The following ZBTB7C variants were observed in gnomAD, a reference collection of about 807,000 sequenced individuals.
ZBTB7C encodes zinc finger and BTB domain-containing protein 7C.
A neutral mutation model predicts 25.7 loss-of-function variants in ZBTB7C; 8 were observed. That is an observed-to-expected ratio of 0.31 (90% CI 0.18 to 0.56). ZBTB7C has a LOEUF of 0.56. Among genes scored for constraint, ZBTB7C ranks in the 20% least tolerant of loss-of-function variants. The pLI is 0.91. For synonymous variants in ZBTB7C, 394 were observed against 369.0 expected (o/e 1.07, Z -0.78); for missense variants, 824 against 855.2 (o/e 0.96, Z 0.46).
chr18:48,074,005 GA>G (rs2037657197), intron 3 of ZBTB7C, among the ~76,000 whole-genome samples: 1 of 149,048 alleles, frequency 6.7e-6, no homozygotes, highest in African/African-American at 2.5e-5. Flanking sequence ...TTCTCGAAAA[GA>G]AAAATTTCTT....
chr18:48,184,175 A>G (rs1025324980), intron 3 of ZBTB7C, among the ~76,000 whole-genome samples: 1 of 152,158 alleles, frequency 6.6e-6, no homozygotes, highest in African/African-American at 2.4e-5. Flanking sequence ...AGTCTGACAT[A>G]ATACAGCCCA....
chr18:48,396,870 A>C (rs2048039372), intron 1 of ZBTB7C, among the ~76,000 whole-genome samples: 1 of 152,214 alleles, frequency 6.6e-6, no homozygotes, highest in Admixed American at 6.5e-5. Context: ...TGAAATATAC[A>C]AGTATCCATC....
chr18:48,045,409 G>A (rs542633597), intron 3 of ZBTB7C, among the ~76,000 whole-genome samples: 40 of 152,350 alleles, frequency 2.6e-4, no homozygotes, highest in African/African-American at 9.1e-4. Context: ...TAGAGCTGTG[G>A]CTCAATCAGC....
At chr18:48,212,693 G>C (rs958336684) in intron 2 of ZBTB7C, among the ~76,000 whole-genome samples, 5 of 152,088 alleles carry the variant, frequency 3.3e-5, no homozygotes, top group Non-Finnish European at 1.5e-5. Flanking sequence ...TAAGCCAAGA[G>C]AAGAGAGGGG....
intron 2 of ZBTB7C, among the ~76,000 whole-genome samples, chr18:48,218,325 C>G (rs78796417): frequency 6.6e-6 from 1 of 152,196 alleles, no homozygotes; most frequent in African/African-American, 2.4e-5. Context: ...TCTGCTGGCT[C>G]GAGAGGCTGG....
intron 2 of ZBTB7C, among the ~76,000 whole-genome samples, chr18:48,276,048 AG>A (rs1215967733): frequency 6.6e-6 from 1 of 152,224 alleles, no homozygotes; most frequent in Non-Finnish European, 1.5e-5. Flanking sequence ...GGAGGAAGAC[AG>A]GGCAGATGAC....
intron 3 of ZBTB7C, among the ~76,000 whole-genome samples, chr18:48,044,488 C>A (rs888559072): frequency 1.1e-4 from 16 of 152,264 alleles, no homozygotes; most frequent in African/African-American, 3.6e-4. Flanking sequence ...TTTGGGGCTG[C>A]CATGCCCCAA....
intron 2 of ZBTB7C, among the ~76,000 whole-genome samples, chr18:48,305,227 G>A (rs1381140527): frequency 5.9e-5 from 9 of 152,198 alleles, no homozygotes; most frequent in East Asian, 3.9e-4. Flanking sequence ...TTTGAAATCC[G>A]TGTAATTATC....
intron 2 of ZBTB7C, among the ~76,000 whole-genome samples, chr18:48,278,803 C>G (rs2044745436): frequency 6.6e-6 from 1 of 152,162 alleles, no homozygotes; most frequent in African/African-American, 2.4e-5. Context: ...GCTGGTTTGC[C>G]ACGTGGCAAT....
At chr18:48,035,640 G>C (rs2035940098) in intron 4 of ZBTB7C, among the ~76,000 whole-genome samples, 1 of 152,250 alleles carries the variant, frequency 6.6e-6, no homozygotes, top group African/African-American at 2.4e-5. Flanking sequence ...CCTGGACCTG[G>C]GATGTCCGTG....
Position 48,083,660 on chromosome 18 carries a change from G to GT in ZBTB7C, c.-16-42538dup, listed in dbSNP as rs569230156. 2.3e-4 allele frequency among the ~76,000 whole-genome samples: 35 copies of GT among 152,216 alleles called. No homozygotes were observed. In the East Asian group the frequency reaches 6.8e-3, roughly 29 times the overall value. ...ATCTCTAATCACTGAATGCTTCTCT[G>GT]TAACGGAATTTGTCATAATGGGGCT... On this transcript the variant is annotated intron_variant, in intron 3 of 4. Transcript: ENST00000590800.
At chr18:48,126,779 G>A (rs943014914) in intron 3 of ZBTB7C, among the ~76,000 whole-genome samples, 1 of 152,178 alleles carries the variant, frequency 6.6e-6, no homozygotes, top group Non-Finnish European at 1.5e-5. Flanking sequence ...GGAGTCCCTT[G>A]TAAGGCTGAG....
intron 2 of ZBTB7C, among the ~76,000 whole-genome samples, chr18:48,190,323 AG>A (rs2145153499): frequency 6.6e-6 from 1 of 152,368 alleles, no homozygotes; most frequent in South Asian, 2.1e-4. Flanking sequence ...TTATGATTAA[AG>A]AAGTATTTTC....
At chr18:48,333,116 A>T (rs1290789952) in intron 2 of ZBTB7C, among the ~76,000 whole-genome samples, 1 of 152,174 alleles carries the variant, frequency 6.6e-6, no homozygotes, top group Non-Finnish European at 1.5e-5. Flanking sequence ...GATGGAAAAT[A>T]CAAATGTATT....
At chr18:48,326,364 G>A (rs941657677) in intron 2 of ZBTB7C, among the ~76,000 whole-genome samples, 1 of 152,172 alleles carries the variant, frequency 6.6e-6, no homozygotes, top group African/African-American at 2.4e-5. Context: ...CCAAAGGGCT[G>A]GGATTACAGG....
intron 2 of ZBTB7C, among the ~76,000 whole-genome samples, chr18:48,211,644 C>T (rs2042704742): frequency 6.6e-6 from 1 of 152,194 alleles, no homozygotes; most frequent in African/African-American, 2.4e-5. Context: ...GGAGACACTA[C>T]TGCATACCTA....
intron 3 of ZBTB7C, among the ~76,000 whole-genome samples, chr18:48,085,146 C>T (rs181552217): frequency 8.4e-4 from 128 of 152,192 alleles, no homozygotes; most frequent in African/African-American, 2.3e-3. Flanking sequence ...CTGGGCTTTA[C>T]GGCAGGGCGG....
intron 1 of ZBTB7C, among the ~76,000 whole-genome samples, chr18:48,402,751 C>T (rs181633315): frequency 3.0e-4 from 46 of 152,138 alleles, no homozygotes; most frequent in African/African-American, 1.1e-3. Flanking sequence ...TATATGTGCG[C>T]ATGTTGCTGG....
intron 3 of ZBTB7C, among the ~76,000 whole-genome samples, chr18:48,057,827 A>G (rs546910076): frequency 2.0e-4 from 31 of 152,282 alleles, no homozygotes; most frequent in South Asian, 6.2e-4. Flanking sequence ...GGTGGCTGTG[A>G]GGCTCAAGGG....
Sources: allele counts gnomAD v4.1 joint callset (sites outside exome capture counted in the v4.1 genomes callset), GRCh38; gene constraint gnomAD v4.1.1; transcripts MANE v1.5; gene names NCBI Gene and HGNC (gene_info 2026-07-23, HGNC 2026-07-21).